TOMM34: variants seen among roughly 807,000 people sequenced by gnomAD.
TOMM34 encodes the protein translocase of outer mitochondrial membrane 34.
In TOMM34, 24 loss-of-function variants were observed where a neutral mutation model predicts 37.4. The ratio of observed to expected loss-of-function variants is 0.64; its 90% CI spans 0.46 to 0.90. The LOEUF is 0.90. TOMM34 is among the 40% of genes least tolerant of loss of function. The pLI is 0.00. For synonymous variants in TOMM34, 154 were observed against 148.9 expected (o/e 1.03, Z -0.25); for missense variants, 304 against 375.6 (o/e 0.81, Z 1.58).
intron 2 of TOMM34, 147 bp from the exon 3 acceptor site, chr20:44,955,367 A>C: frequency 4.1e-6 from 4 of 978,712 alleles, no homozygotes; most frequent in Non-Finnish European, 4.6e-6. Flanking sequence ...GCCAAACCTC[A>C]GAACAGGGAT....
intron 4 of TOMM34, 74 bp downstream of exon 4, chr20:44,951,759 A>G (rs988525440): frequency 1.3e-6 from 2 of 1,516,096 alleles, no homozygotes; most frequent in Middle Eastern, 1.8e-4. Flanking sequence ...AACAATGCCA[A>G]TTTTTGCAGG....
At chr20:44,951,356 T>C (rs1340002408) in intron 4 of TOMM34, among the ~76,000 whole-genome samples, 3 of 152,042 alleles carry the variant, frequency 2.0e-5, no homozygotes, top group African/African-American at 7.3e-5. Flanking sequence ...CAACAGAAAA[T>C]AAAGCTGTGA....
Position 44,948,734 on chromosome 20 carries a change from T to G in TOMM34, c.694A>C (p.Asn232His). Residue 232 changes from asparagine to histidine, a missense_variant, in exon 5 of 7, where the codon AAC becomes CAC. Coordinates refer to ENST00000372813, the MANE Select transcript of TOMM34 (RefSeq NM_006809.5). ...CSNLESATYS[N>H]RALCYLVLKQ... is the part of the protein sequence containing the mutation. The stretch of plus-strand genomic sequence containing the variant: ...CAGCAGCTGTATAGGAGATACCTGT[T>G]GCTGTACGTGGCAGATTCCAGGTTA... 6.2e-7 allele frequency: 1 copy of G among 1,614,168 alleles called. No homozygotes were observed. The highest frequency in any genetic ancestry group is 8.5e-7 in the Non-Finnish European group (1 of 1,179,990).
At chr20:44,957,652 T>G (rs2145608651) in intron 1 of TOMM34, among the ~76,000 whole-genome samples, 1 of 152,244 alleles carries the variant, frequency 6.6e-6, no homozygotes, top group Non-Finnish European at 1.5e-5. Flanking sequence ...CCAACTTTTT[T>G]AATTTTTAGA....
intron 3 of TOMM34, among the ~76,000 whole-genome samples, chr20:44,954,556 T>A (rs910188389): frequency 6.6e-6 from 1 of 152,122 alleles, no homozygotes; most frequent in Non-Finnish European, 1.5e-5. Flanking sequence ...AATGACAATA[T>A]CCATGAGATA....
Position 44,948,848 on chromosome 20 carries a change from T to C in TOMM34, c.580A>G (p.Arg194Gly), listed in dbSNP as rs2067002681. The C allele has an allele frequency of 1.2e-6, 2 of 1,614,060 alleles. No homozygotes were observed. Among genetic ancestry groups the C allele is most frequent in the Non-Finnish European group, 1.7e-6 (2 of 1,179,992 alleles). Residue 194 changes from arginine (R) to glycine (G), a missense_variant, in exon 5 of 7, where the codon AGA becomes GGA. Physicochemically the swap from Arg to Gly is moderately radical, Grantham distance 125. Transcript: ENST00000372813. ...TCATTGCCTTCTTCCTTCAGAACTC[T>C]GGCTTTCTCCACATCCCCAGCAGAA... ...VPSAGDVEKA[R>G]VLKEEGNELV...
intron 3 of TOMM34, chr20:44,952,546 C>T: frequency 1.4e-6 from 1 of 716,104 alleles, no homozygotes; most frequent in South Asian, 1.5e-5. Flanking sequence ...CTGTTCAAGA[C>T]TTTGCACATG....
rs1568657507 is a variant in TOMM34 at position 44,943,599 on chromosome 20, CAG to C, written c.699-22_699-21del. The stretch of plus-strand genomic sequence containing the variant: ...AGTGCTCTGAAGGGAAAGACCATTT[CAG>C]AGGTTTCAGTCACGTCTTATGGGCC... On this transcript the variant is annotated intron_variant, in intron 5 of 6. Transcript: ENST00000372813. The C allele has an allele frequency of 6.2e-7, 1 of 1,613,826 alleles. No homozygotes were observed. The highest frequency in any genetic ancestry group is 2.2e-5 in the East Asian group (1 of 44,876).
intron 5 of TOMM34, among the ~76,000 whole-genome samples, chr20:44,945,983 G>A (rs2066977737): frequency 6.6e-6 from 1 of 151,960 alleles, no homozygotes; most frequent in Non-Finnish European, 1.5e-5. Flanking sequence ...TCAGCCTCCC[G>A]AGTAGCTGGG....
intron 4 of TOMM34, among the ~76,000 whole-genome samples, chr20:44,951,343 G>A (rs564278581): frequency 6.6e-6 from 1 of 152,232 alleles, no homozygotes; most frequent in Admixed American, 6.5e-5. Flanking sequence ...CAAAGCTGAC[G>A]CACAACAGAA....
At position 44,943,015 on chromosome 20, in the gene TOMM34, G is replaced by A; in HGVS notation, c.*94C>T. The A allele has an allele frequency of 4.1e-6, 5 of 1,215,376 alleles. No individual in the cohort carries two copies. The highest frequency in any genetic ancestry group is 4.8e-6 in the Non-Finnish European group (4 of 827,394). 75.3% of individuals were successfully genotyped at this position (1,215,376 alleles called of 1,614,324 possible). A position where few individuals can be genotyped will look rare whatever the true frequency, so the allele number is the denominator to read the frequency against. ...AGGAGGGGGCTTCAGAGCTCACTTG[G>A]GGCATGCTGGGTTTCAGGAGCGGGC... is the stretch of plus-strand genomic sequence containing the variant. On this transcript the variant is annotated 3_prime_UTR_variant, in exon 7 of 7. Coordinates refer to ENST00000372813, the MANE Select transcript of TOMM34 (RefSeq NM_006809.5).
At chr20:44,958,210 G>C (rs1210481388) in intron 1 of TOMM34, 1 of 387,688 alleles carries the variant, frequency 2.6e-6, no homozygotes, top group African/African-American at 2.1e-5. Flanking sequence ...CATTTCCTAA[G>C]AGGCATCATA....
rs1417375778 is a variant in TOMM34 at position 44,960,198 on chromosome 20, G to C, written c.127+9C>G. The C allele has an allele frequency of 1.3e-6, 2 of 1,556,328 alleles. No homozygotes were observed. The highest frequency in any genetic ancestry group is 2.8e-5 in the African/African-American group (2 of 72,426). ...AGGCCCGGAGGTGAGATGGGGGCCGGGGTCGTACCTTGCGCCTGCAGCACC... is the reference window on the plus strand; with the variant it reads ...AGGCCCGGAGGTGAGATGGGGGCCGCGGTCGTACCTTGCGCCTGCAGCACC... On this transcript the variant is annotated intron_variant, in intron 1 of 6. Transcript: ENST00000372813.
chr20:44,958,962 G>A (rs2067101835), intron 1 of TOMM34: 1 of 151,364 alleles, frequency 6.6e-6, no homozygotes, highest in Non-Finnish European at 1.5e-5. Context: ...ATCTGGAGAG[G>A]ATGTGAGGAG....
In TOMM34 at chr20:44,945,555, C is replaced by A. The variant is rs57708879; in HGVS notation, c.699-1976G>T. ...AACTACTCTGAGGCCACCACGCTCT[C>A]AGGAAGCTCACAGCAGCACACATGA... On this transcript the variant is annotated intron_variant, in intron 5 of 6. Transcript: ENST00000372813. Among the ~76,000 whole-genome samples the A allele has an allele frequency of 8.1e-3, 1,241 of 152,328 alleles. 19 individuals carry two copies. Among genetic ancestry groups the A allele is most frequent in the African/African-American group, 0.028 (1,152 of 41,574 alleles).
At chr20:44,948,684 A>G (rs1377317367) in intron 5 of TOMM34, 46 bp downstream of exon 5, 1 of 1,609,768 alleles carries the variant, frequency 6.2e-7, no homozygotes, top group African/African-American at 1.3e-5. Context: ...AGACTATGGA[A>G]CAAATGTCCT....
chr20:44,945,706 AGCTACCATCTTGCT>A (rs1410310380), intron 5 of TOMM34, among the ~76,000 whole-genome samples: 2 of 152,210 alleles, frequency 1.3e-5, no homozygotes, highest in African/African-American at 4.8e-5. Context: ...TTCCAGCCCC[AGCTACCATCTTGCT>A]GACCCTGCAT....
At position 44,955,212 on chromosome 20, in the gene TOMM34, G is replaced by T; in HGVS notation, c.236C>A (p.Ala79Asp). The T allele has an allele frequency of 6.2e-7, 1 of 1,614,034 alleles. No homozygotes were observed. The highest frequency in any genetic ancestry group is 8.5e-7 in the Non-Finnish European group (1 of 1,179,966). Residue 79 changes from alanine to aspartate, a missense_variant, in exon 3 of 7, where the codon GCC becomes GAC. Ala to Asp is a moderately radical substitution (Grantham distance 126, BLOSUM62 -2). Transcript: ENST00000372813. ...DCIKDCTSAL[A>D]LVPFSIKPLL... is the part of the protein sequence containing the mutation. ...GGGCTTAATGCTGAAGGGAACCAAG[G>T]CCAGTGCTCTAGAATAGGAGGCAAA...
rs542180072 is a variant in TOMM34 at position 44,957,251 on chromosome 20, G to A, written c.128-766C>T. On this transcript the variant is annotated intron_variant, in intron 1 of 6. Coordinates refer to ENST00000372813, the MANE Select transcript of TOMM34 (RefSeq NM_006809.5). ...TGCCCAGCCTGGAGTGCAGTGGAGC[G>A]ATCTCCGCTCACTGCAACTCCACCT... is the stretch of plus-strand genomic sequence containing the variant. Among the ~76,000 whole-genome samples, 16 of 151,944 alleles carry A rather than the reference G, an allele frequency of 1.1e-4. No homozygotes were observed. In the South Asian group the frequency reaches 3.1e-3, roughly 30 times the overall value.
Sources: allele counts gnomAD v4.1 joint callset (sites outside exome capture counted in the v4.1 genomes callset), GRCh38; gene constraint gnomAD v4.1.1; transcripts MANE v1.5; gene names NCBI Gene and HGNC (gene_info 2026-07-23, HGNC 2026-07-21).